Variants in FGFR2 observed in about 807,000 individuals in gnomAD.
The protein encoded by FGFR2 is fibroblast growth factor receptor 2, also known as BEK fibroblast growth factor receptor.
FGFR2 carries 19 observed loss-of-function variants against 95.9 expected under a neutral mutation model. The ratio of observed to expected loss-of-function variants is 0.20; its 90% CI spans 0.14 to 0.29. The LOEUF is 0.29. FGFR2 is among the 10% of genes least tolerant of loss of function. The probability of loss-of-function intolerance (pLI) is 1.00; values close to 1 mark genes in which losing one functional copy is unlikely to be tolerated. For missense variants in FGFR2, 707 were observed against 1,056.9 expected (o/e 0.67, Z 4.59); for synonymous variants, 392 against 393.3 (o/e 1.00, Z 0.04).
At chr10:121,540,605 C>A (rs181382487) in intron 5 of FGFR2, among the ~76,000 whole-genome samples, 1 of 152,272 alleles carries the variant, frequency 6.6e-6, no homozygotes, top group East Asian at 1.9e-4. Context: ...CAAAAGGAGA[C>A]CCTCCCTTCA....
intron 2 of FGFR2, among the ~76,000 whole-genome samples, chr10:121,570,994 T>A (rs1216129258): frequency 1.4e-5 from 2 of 148,078 alleles, no homozygotes; most frequent in South Asian, 4.2e-4. Context: ...GCCTTTTTTT[T>A]CTTTTTTTTT....
intron 4 of FGFR2, among the ~76,000 whole-genome samples, chr10:121,556,840 C>T (rs567922471): frequency 6.6e-6 from 1 of 152,288 alleles, no homozygotes; most frequent in South Asian, 2.1e-4. Context: ...GCCTCTGTCT[C>T]GAGTCTATAA....
At chr10:121,500,531 G>C (rs1847458797) in intron 11 of FGFR2, among the ~76,000 whole-genome samples, 1 of 152,122 alleles carries the variant, frequency 6.6e-6, no homozygotes, top group South Asian at 2.1e-4. Flanking sequence ...TAATTTCTAA[G>C]CACATAAAAA....
At chr10:121,482,438 A>T (rs1844881397) in intron 17 of FGFR2, among the ~76,000 whole-genome samples, 1 of 152,178 alleles carries the variant, frequency 6.6e-6, no homozygotes, top group Non-Finnish European at 1.5e-5. Flanking sequence ...ATTACTTTTT[A>T]AAAAATCACT....
In FGFR2 at chr10:121,564,499, T is replaced by A. The variant is rs768823111; in HGVS notation, c.454+3A>T. 1 of 1,613,638 alleles carries A rather than the reference T, an allele frequency of 6.2e-7. No homozygotes were observed. Among genetic ancestry groups the A allele is most frequent in the East Asian group, 2.2e-5 (1 of 44,874 alleles). On this transcript the variant is annotated splice_donor_region_variant and intron_variant, in intron 4 of 17. Transcript: ENST00000358487. ...GGACCATCGGAGCCGGGCAGTTACT[T>A]ACTCTTGTTGTTACTGTTCTCACTG...
chr10:121,500,232 G>T (rs990329211), intron 11 of FGFR2, among the ~76,000 whole-genome samples: 1 of 152,214 alleles, frequency 6.6e-6, no homozygotes, highest in South Asian at 2.1e-4. Context: ...AGTGTTCACA[G>T]TCCCACAAAC....
In FGFR2 at chr10:121,485,418, C is replaced by G; in HGVS notation, c.2172G>C (p.Lys724Asn). ...KLLKEGHRMD[K>N]PANCTNELYM... Reference sequence around the variant, plus strand: ...ACAGTTCGTTGGTGCAGTTGGCTGGCTTATCCATTCTGTGTCCTTCCTTCA... The same window carrying G: ...ACAGTTCGTTGGTGCAGTTGGCTGGGTTATCCATTCTGTGTCCTTCCTTCA... Residue 724 changes from lysine (K) to asparagine (N), a missense_variant, in exon 16 of 18, where the codon AAG becomes AAC. Lys to Asn is a moderately conservative substitution (Grantham distance 94). This residue lies in a region of FGFR2 where 104 missense variants were observed against 214.2 expected (regional missense o/e 0.49). Coordinates refer to ENST00000358487, the MANE Select transcript of FGFR2 (RefSeq NM_000141.5). The surrounding 1 kb of genome is among the most constrained non-coding windows in gnomAD (Gnocchi z 4.2). 1 of 1,614,178 alleles carries G rather than the reference C, an allele frequency of 6.2e-7. No individual in the cohort carries two copies. The highest frequency in any genetic ancestry group is 8.5e-7 in the Non-Finnish European group (1 of 1,180,036).
chr10:121,523,906 C>T (rs1260826295), intron 6 of FGFR2, among the ~76,000 whole-genome samples: 1 of 152,216 alleles, frequency 6.6e-6, no homozygotes, highest in Non-Finnish European at 1.5e-5. Context: ...CAGTACCAAA[C>T]CATGATGCCC....
chr10:121,563,012 G>T (rs1045133443), intron 4 of FGFR2, among the ~76,000 whole-genome samples: 7 of 152,222 alleles, frequency 4.6e-5, no homozygotes, highest in Non-Finnish European at 7.3e-5. Context: ...GGCTGAGGCG[G>T]GTGGATCACT....
At chr10:121,572,199 C>CT (rs1240546765) in intron 2 of FGFR2, among the ~76,000 whole-genome samples, 1 of 150,482 alleles carries the variant, frequency 6.6e-6, no homozygotes, top group Non-Finnish European at 1.5e-5. Context: ...TGATAAACAC[C>CT]TGTAGTCCCA....
chr10:121,478,374 A>G lies in FGFR2; in HGVS notation c.*1483T>C, dbSNP rs1260504713. 8.6e-6 allele frequency: 2 copies of G among 232,578 alleles called. No homozygotes were observed. Among genetic ancestry groups the G allele is most frequent in the Admixed American group, 1.1e-4 (2 of 17,746 alleles). The allele number at this position is 232,578 out of a possible 1,614,324, so 14.4% of individuals were successfully genotyped here. On this transcript the variant is annotated 3_prime_UTR_variant, in exon 18 of 18. Coordinates refer to ENST00000358487, the MANE Select transcript of FGFR2 (RefSeq NM_000141.5). The stretch of plus-strand genomic sequence containing the variant: ...GTGACATTTATTTTGTCTTGTTAAC[A>G]TTAATATCTGTAGAAACATTTTTAT...
chr10:121,579,312 C>A (rs1564729728), intron 2 of FGFR2, among the ~76,000 whole-genome samples: 1 of 152,182 alleles, frequency 6.6e-6, no homozygotes, highest in Non-Finnish European at 1.5e-5. Flanking sequence ...TGCAACTCAG[C>A]CCTGGCCAGG....
At chr10:121,537,606 T>G (rs761117513) in intron 6 of FGFR2, among the ~76,000 whole-genome samples, 1 of 152,040 alleles carries the variant, frequency 6.6e-6, no homozygotes, top group African/African-American at 2.4e-5. Context: ...AGAGGCACAG[T>G]GGGTGGTGTG....
intron 4 of FGFR2, 140 bp from the exon 5 acceptor site, chr10:121,551,599 GA>G (rs1855420773): frequency 3.7e-6 from 3 of 820,136 alleles, no homozygotes; most frequent in Non-Finnish European, 5.7e-6. Context: ...TTTACATTTG[GA>G]AAATATTTTC....
chr10:121,590,082 T>C (rs936807006), intron 2 of FGFR2, among the ~76,000 whole-genome samples: 1 of 151,990 alleles, frequency 6.6e-6, no homozygotes, highest in Admixed American at 6.5e-5. Flanking sequence ...TACTGAACTC[T>C]GGACCAACTC....
intron 9 of FGFR2, among the ~76,000 whole-genome samples, chr10:121,514,691 C>G (rs915958394): frequency 2.0e-5 from 3 of 152,188 alleles, no homozygotes; most frequent in Non-Finnish European, 4.4e-5. Context: ...AGTCAGAGAA[C>G]TTAGAGTCTC....
chr10:121,521,272 A>C (rs1361302046), intron 6 of FGFR2, among the ~76,000 whole-genome samples: 2 of 152,160 alleles, frequency 1.3e-5, no homozygotes, highest in South Asian at 2.1e-4. Flanking sequence ...GGTATCCCAA[A>C]ATTACTTCCT....
intron 6 of FGFR2, chr10:121,538,344 C>T (rs934031293): frequency 2.0e-5 from 16 of 785,534 alleles, no homozygotes; most frequent in East Asian, 1.5e-4. Flanking sequence ...TTTCATACCA[C>T]GTCCACTTTA....
chr10:121,551,169 G>A (rs536592114), intron 5 of FGFR2, 121 bp downstream of exon 5: 112 of 1,147,978 alleles, frequency 9.8e-5, no homozygotes, highest in African/African-American at 1.9e-4. Context: ...GCAGTGAACC[G>A]AGATCGCACC....
Sources: gnomAD v4.1 joint callset for allele counts (sites outside exome capture counted in the v4.1 genomes callset) on GRCh38, gnomAD v4.1.1 for gene constraint, gnomAD v4.1.1 regional missense constraint, Gnocchi (gnomAD v3.1) non-coding constraint, MANE v1.5 for transcripts, NCBI Gene and HGNC (gene_info 2026-07-23, HGNC 2026-07-21) for gene names.